The following PHF24 variants were observed in gnomAD, a reference collection of about 807,000 sequenced individuals.
PHF24 encodes the protein Galpha inhibitory interacting protein.
PHF24 carries 25 observed loss-of-function variants against 42.6 expected under a neutral mutation model. That is an observed-to-expected ratio of 0.59 (90% CI 0.43 to 0.82). The LOEUF is 0.82. Among genes scored for constraint, PHF24 ranks in the 40% least tolerant of loss-of-function variants. The pLI, the probability that PHF24 is intolerant of heterozygous loss-of-function variation, is 0.00. For synonymous variants in PHF24, 185 were observed against 204.8 expected (o/e 0.90, Z 0.83); for missense variants, 470 against 538.1 (o/e 0.87, Z 1.25).
the PHF24 span, among the ~76,000 whole-genome samples, chr9:34,804,422 C>A: frequency 6.6e-6 from 1 of 152,022 alleles, no homozygotes. Flanking sequence ...TAAAGAACAC[C>A]GAGTAATGTT....
chr9:34,751,329 C>CA, the PHF24 span, among the ~76,000 whole-genome samples: 1 of 152,126 alleles, frequency 6.6e-6, no homozygotes, highest in African/African-American at 2.4e-5. Context: ...TGTGCCATTG[C>CA]ACTCTAGCCT....
the PHF24 span, among the ~76,000 whole-genome samples, chr9:34,812,346 A>G: frequency 6.6e-6 from 1 of 152,234 alleles, no homozygotes; most frequent in African/African-American, 2.4e-5. Flanking sequence ...GCTGGTGGAA[A>G]TGTAAAATGG....
exon 6 of PHF24, chr9:34,977,113 G>C: frequency 6.2e-7 from 1 of 1,611,680 alleles, no homozygotes; most frequent in Non-Finnish European, 8.5e-7. Flanking sequence ...GACAGTGAAG[G>C]AGCGGGAGCG....
the PHF24 span, among the ~76,000 whole-genome samples, chr9:34,780,290 C>CTTTTCTT: frequency 8.8e-6 from 1 of 113,952 alleles, no homozygotes; most frequent in African/African-American, 3.1e-5. Context: ...TCTTTTTTTT[C>CTTTTCTT]TTTTTTTCTT....
At chr9:34,721,398 A>G in the PHF24 span, among the ~76,000 whole-genome samples, 1 of 100,680 alleles carries the variant, frequency 9.9e-6, no homozygotes, top group African/African-American at 4.8e-5. Flanking sequence ...CTGTCTTTCC[A>G]TTCTCTCTCT....
chr9:34,873,830 C>T, the PHF24 span, among the ~76,000 whole-genome samples: 2 of 151,026 alleles, frequency 1.3e-5, no homozygotes, highest in Non-Finnish European at 3.0e-5. Flanking sequence ...ATTCTTCCTA[C>T]CCATGAGCAT....
At chr9:34,674,239 A>C in the PHF24 span, among the ~76,000 whole-genome samples, 1 of 152,238 alleles carries the variant, frequency 6.6e-6, no homozygotes, top group African/African-American at 2.4e-5. Flanking sequence ...AATGAGTGGA[A>C]CACTGGTATT....
chr9:34,881,451 G>T, the PHF24 span, among the ~76,000 whole-genome samples: 1 of 152,016 alleles, frequency 6.6e-6, no homozygotes, highest in African/African-American at 2.4e-5. Flanking sequence ...CAACAAAATT[G>T]ATATACTGCT....
chr9:34,883,280 A>G, the PHF24 span, among the ~76,000 whole-genome samples: 1 of 152,322 alleles, frequency 6.6e-6, no homozygotes, highest in African/African-American at 2.4e-5. Flanking sequence ...AACCGAGGCA[A>G]TACCATTCAG....
At chr9:34,898,404 T>C in the PHF24 span, among the ~76,000 whole-genome samples, 1 of 152,174 alleles carries the variant, frequency 6.6e-6, no homozygotes, top group Admixed American at 6.5e-5. Context: ...GCGGTTTTGA[T>C]TTGCATCAGT....
the PHF24 span, among the ~76,000 whole-genome samples, chr9:34,853,600 G>A: frequency 6.6e-5 from 10 of 151,460 alleles, no homozygotes; most frequent in Non-Finnish European, 1.2e-4. Context: ...AGGCCGAGGT[G>A]GGCGGATCAC....
chr9:34,701,013 C>T, the PHF24 span, among the ~76,000 whole-genome samples: 3 of 152,162 alleles, frequency 2.0e-5, no homozygotes, highest in Non-Finnish European at 2.9e-5. This position sits in a 1 kb window ranked among gnomAD's most constrained non-coding sequence, Gnocchi z 5.8. Flanking sequence ...GGCATCAGCG[C>T]TACGTGCTTC....
the PHF24 span, chr9:34,837,843 C>T: frequency 1.6e-6 from 1 of 635,878 alleles, no homozygotes; most frequent in Non-Finnish European, 2.8e-6. Flanking sequence ...TTTGCCTATT[C>T]CACCTTTTTA....
the PHF24 span, among the ~76,000 whole-genome samples, chr9:34,677,387 C>CTTTTTTTTTTTTTTTTTTT: frequency 1.8e-5 from 2 of 110,942 alleles, no homozygotes; most frequent in African/African-American, 3.6e-5. Context: ...TCTTTGTAAA[C>CTTTTTTTTTTTTTTTTTTT]TGTTTTTTTT....
the PHF24 span, chr9:34,724,811 A>G: frequency 2.6e-6 from 4 of 1,551,286 alleles, no homozygotes; most frequent in Non-Finnish European, 3.5e-6. Context: ...CATCTCTGTG[A>G]TGACAGATTG....
At chr9:34,690,348 A>G in the PHF24 span, 3 of 1,610,810 alleles carry the variant, frequency 1.9e-6, no homozygotes, top group Non-Finnish European at 2.5e-6. Context: ...TGGGGCTGGG[A>G]TGGGGAAAGA....
At chr9:34,704,700 G>GCA in the PHF24 span, among the ~76,000 whole-genome samples, 29 of 152,234 alleles carry the variant, frequency 1.9e-4, no homozygotes, top group African/African-American at 6.7e-4. Context: ...GCTGGGTGTG[G>GCA]TGGTGTGTGC....
chr9:34,765,218 G>A, the PHF24 span, among the ~76,000 whole-genome samples: 4 of 152,056 alleles, frequency 2.6e-5, no homozygotes, highest in Non-Finnish European at 4.4e-5. Context: ...TATTAAGTCC[G>A]CTTGGTGCAG....
chr9:34,680,353 C>T, the PHF24 span, among the ~76,000 whole-genome samples: 12 of 151,192 alleles, frequency 7.9e-5, no homozygotes, highest in South Asian at 1.3e-3. Flanking sequence ...CCAGCCTGGG[C>T]GACTGAGGGA....
Sources: gnomAD v4.1 joint callset for allele counts (sites outside exome capture counted in the v4.1 genomes callset) on GRCh38, gnomAD v4.1.1 for gene constraint, Gnocchi (gnomAD v3.1) non-coding constraint, MANE v1.5 for transcripts, NCBI Gene and HGNC (gene_info 2026-07-23, HGNC 2026-07-21) for gene names.